PITPNM2: variants seen among roughly 807,000 people sequenced by gnomAD.
PITPNM2 encodes membrane-associated phosphatidylinositol transfer protein 2.
In PITPNM2, 35 loss-of-function variants were observed where a neutral mutation model predicts 132.2. That is an observed-to-expected ratio of 0.26 (90% CI 0.20 to 0.35). The LOEUF is 0.35. Among genes scored for constraint, PITPNM2 ranks in the 10% least tolerant of loss-of-function variants. The pLI is 1.00. For synonymous variants in PITPNM2, 738 were observed against 799.2 expected, an observed-to-expected ratio of 0.92 and a Z score of 1.29; for missense variants, 1,332 against 1,912.0, an observed-to-expected ratio of 0.70 and a Z score of 5.66.
Position 123,008,101 on chromosome 12 carries a change from C to T in PITPNM2, c.643+1749G>A, listed in dbSNP as rs2039019322. Among the ~76,000 whole-genome samples the T allele has an allele frequency of 1.3e-5, 2 of 152,232 alleles. No homozygotes were observed. Among genetic ancestry groups the T allele is most frequent in the African/African-American group, 4.8e-5 (2 of 41,454 alleles). On this transcript the variant is annotated intron_variant, in intron 6 of 25. Transcript: ENST00000320201. This position sits in a 1 kb window ranked among gnomAD's most constrained non-coding sequence, Gnocchi z 4.1. ...AGCAAAGCTCAGTGAGGCTGAGAGACCACAGAGCCACTACGTGTGAGTCAG... is the reference window on the plus strand; with the variant it reads ...AGCAAAGCTCAGTGAGGCTGAGAGATCACAGAGCCACTACGTGTGAGTCAG...
intron 3 of PITPNM2, among the ~76,000 whole-genome samples, chr12:123,027,972 C>A (rs1001430499): frequency 1.2e-4 from 19 of 152,250 alleles, no homozygotes; most frequent in Non-Finnish European, 2.5e-4. Context: ...GCAGCCACCC[C>A]CTCGTCCCTG....
At chr12:123,133,962 T>G (rs2043321762) in intron 1 of PITPNM2, among the ~76,000 whole-genome samples, 1 of 151,802 alleles carries the variant, frequency 6.6e-6, no homozygotes, top group Admixed American at 6.6e-5. Flanking sequence ...ATTACAGGCG[T>G]GAGCCACCGC....
chr12:122,988,623 G>C, intron 19 of PITPNM2, 101 bp downstream of exon 19: 1 of 1,250,828 alleles, frequency 8.0e-7, no homozygotes, highest in Non-Finnish European at 1.1e-6. Context: ...GATCTGATGG[G>C]GTTGGAGAGG....
chr12:123,149,498 G>A (rs1389612681), intron 1 of PITPNM2, among the ~76,000 whole-genome samples: 1 of 152,184 alleles, frequency 6.6e-6, no homozygotes, highest in Non-Finnish European at 1.5e-5. Context: ...ACAAGCTATG[G>A]TCCCAGAGGC....
chr12:123,021,046 A>G (rs1220109931), intron 3 of PITPNM2, among the ~76,000 whole-genome samples: 4 of 150,502 alleles, frequency 2.7e-5, no homozygotes, highest in Admixed American at 2.0e-4. Context: ...AAAAAAAAAA[A>G]AAAAAAAAAG....
At position 123,082,877 on chromosome 12, in the gene PITPNM2, C is replaced by T. The variant is rs935126387; in HGVS notation, c.-96+27508G>A. ...ACATTAAACAATAACTCCCCATTCC[C>T]TCTTCACCAGCCCCAGCACTCACTG... On this transcript the variant is annotated intron_variant, in intron 2 of 25. Transcript: ENST00000320201. This position sits in a 1 kb window ranked among gnomAD's most constrained non-coding sequence, Gnocchi z 5.4. 4 of 152,312 alleles carry T rather than the reference C, an allele frequency of 2.6e-5. No homozygotes were observed. The highest frequency in any genetic ancestry group is 9.6e-5 in the African/African-American group (4 of 41,466). 9.4% of individuals were successfully genotyped at this position (152,312 alleles called of 1,614,324 possible). A position where few individuals can be genotyped will look rare whatever the true frequency, so the allele number is the denominator to read the frequency against.
intron 2 of PITPNM2, among the ~76,000 whole-genome samples, chr12:123,085,488 C>A (rs555019441): frequency 2.6e-5 from 4 of 151,946 alleles, no homozygotes; most frequent in Non-Finnish European, 5.9e-5. Context: ...ACAAAGAGTA[C>A]GGCAGAGGCT....
Position 123,095,123 on chromosome 12 carries a change from C to T in PITPNM2, c.-96+15262G>A, listed in dbSNP as rs912537102. Among the ~76,000 whole-genome samples, 38 of 152,322 alleles carry T rather than the reference C, an allele frequency of 2.5e-4. No individual in the cohort carries two copies. Among genetic ancestry groups the T allele is most frequent in the African/African-American group, 9.1e-4 (38 of 41,564 alleles). On this transcript the variant is annotated intron_variant, in intron 2 of 25. Transcript: ENST00000320201. The surrounding 1 kb of genome is among the most constrained non-coding windows in gnomAD (Gnocchi z 5.0). The stretch of plus-strand genomic sequence containing the variant: ...GGGTGGCTGCTGGGGATCCAAGACT[C>T]TCCACTCCACCATCCTTGCACAGCA...
Position 122,996,838 on chromosome 12 carries a change from G to A in PITPNM2, c.1545C>T (p.Pro515=), listed in dbSNP as rs755110787. 30 of 1,598,620 alleles carry A rather than the reference G, an allele frequency of 1.9e-5. 2 individuals carry two copies. In the South Asian group the frequency reaches 3.4e-4, roughly 18 times the overall value. ...ACTGGGGGGAGGAGGTGGCCAGCAG[G>A]GGGAGGGCAGCCAGGGGAATGTGGT... is the stretch of plus-strand genomic sequence containing the variant. ...SQDHIPLAAL[P]LLATSSPQYQ... is the part of the protein sequence containing the mutation. The change falls in exon 12 of 26, where the codon CCC becomes CCT. Residue 515 remains proline, a synonymous_variant. Transcript: ENST00000320201.
intron 2 of PITPNM2, chr12:123,090,727 A>G (rs1015965337): frequency 4.6e-5 from 7 of 152,180 alleles, no homozygotes; most frequent in East Asian, 1.9e-4. Flanking sequence ...CCAACACCCT[A>G]TAAGATACAC....
rs139593774 is a variant in PITPNM2 at position 123,072,476 on chromosome 12, G to A, written c.-95-37791C>T. ...AGGCACAAAGTAGACAGCAAGTTAAGGCTGGCAATTGTCCCTCTCCTGTCT... is the reference window on the plus strand; with the variant it reads ...AGGCACAAAGTAGACAGCAAGTTAAAGCTGGCAATTGTCCCTCTCCTGTCT... On this transcript the variant is annotated intron_variant, in intron 2 of 25. Coordinates refer to ENST00000320201, the MANE Select transcript of PITPNM2 (RefSeq NM_020845.3). Among the ~76,000 whole-genome samples, 1,043 of 152,326 alleles carry A rather than the reference G, an allele frequency of 6.8e-3. 10 individuals carry two copies. Among genetic ancestry groups the A allele is most frequent in the Non-Finnish European group, 0.012 (816 of 68,030 alleles).
chr12:123,025,522 C>T (rs1592953851), intron 3 of PITPNM2, among the ~76,000 whole-genome samples: 1 of 151,814 alleles, frequency 6.6e-6, no homozygotes, highest in South Asian at 2.1e-4. Flanking sequence ...CATCCTCTGC[C>T]TCCCGGGTTC....
At position 122,989,895 on chromosome 12, in the gene PITPNM2, C is replaced by A; in HGVS notation, c.2623G>T (p.Ala875Ser). The A allele has an allele frequency of 7.6e-7, 1 of 1,322,546 alleles. No individual in the cohort carries two copies. The highest frequency in any genetic ancestry group is 2.2e-5 in the South Asian group (1 of 45,178). 81.9% of individuals were successfully genotyped at this position (1,322,546 alleles called of 1,614,324 possible). The change falls in exon 18 of 26, where the codon GCC becomes TCC. Residue 875 changes from alanine to serine, a missense_variant. By Grantham distance (99) the Ala-to-Ser change is moderately conservative (BLOSUM62 1). Coordinates refer to ENST00000320201, the MANE Select transcript of PITPNM2 (RefSeq NM_020845.3). Reference sequence around the variant, plus strand: ...GTGGTGGGGCTGGGGGCGGGCAGGGCGAGCAGGGACAGACGCCTGACGCTG... The same window carrying A: ...GTGGTGGGGCTGGGGGCGGGCAGGGAGAGCAGGGACAGACGCCTGACGCTG... The part of the protein sequence containing the change: ...TPSVRRLSLL[A>S]LPAPSPTTPG...
At chr12:123,093,584 C>T in intron 2 of PITPNM2, among the ~76,000 whole-genome samples, 1 of 152,194 alleles carries the variant, frequency 6.6e-6, no homozygotes, top group East Asian at 1.9e-4. Context: ...CCTCCTGCCA[C>T]TCGGCAGCCC....
At chr12:122,986,969 A>C in intron 23 of PITPNM2, 140 bp from the exon 24 acceptor site, 1 of 1,183,224 alleles carries the variant, frequency 8.5e-7, no homozygotes, top group Non-Finnish European at 1.2e-6. Flanking sequence ...AATGGTTGAC[A>C]ATGACGTGCT....
rs202150231 is a variant in PITPNM2 at position 122,987,772 on chromosome 12, G to C, written c.3114+13C>G. 6.2e-7 allele frequency: 1 copy of C among 1,613,662 alleles called. No individual in the cohort carries two copies. The highest frequency in any genetic ancestry group is 1.7e-5 in the Admixed American group (1 of 60,004). ...AAGTCCCTCCATGTTACCCCTACCC[G>C]CCGTGTCCTTACCTTCTCCCCAGTC... On this transcript the variant is annotated intron_variant, in intron 21 of 25. Transcript: ENST00000320201.
chr12:123,116,482 T>A (rs2042938111), intron 1 of PITPNM2, among the ~76,000 whole-genome samples: 1 of 151,840 alleles, frequency 6.6e-6, no homozygotes, highest in Non-Finnish European at 1.5e-5. Flanking sequence ...AAACCCCATC[T>A]CTACAAAAAA....
chr12:122,991,485 G>A (rs1448391983), intron 16 of PITPNM2, among the ~76,000 whole-genome samples: 2 of 152,208 alleles, frequency 1.3e-5, no homozygotes, highest in African/African-American at 2.4e-5. Context: ...TGGAACTGTC[G>A]CTGACTTGCT....
rs375346106 is a variant in PITPNM2, at chr12:123,013,980, C to T, written c.141G>A (p.Pro47=). The stretch of plus-strand genomic sequence containing the variant: ...CAGAGCCGCCTGGGCCATCTGTGTA[C>T]GGCCGGTTCTCCAGGATCTCCACGC... ...GSGVEILENR[P]YTDGPGGSGQ... The change falls in exon 4 of 26, where the codon CCG becomes CCA. Residue 47 remains proline (P), a synonymous_variant. Coordinates refer to ENST00000320201, the MANE Select transcript of PITPNM2 (RefSeq NM_020845.3). 1.2e-5 allele frequency: 20 copies of T among 1,614,138 alleles called. No individual in the cohort carries two copies. Among genetic ancestry groups the T allele is most frequent in the African/African-American group, 5.3e-5 (4 of 74,934 alleles).
Sources: gnomAD v4.1 joint callset for allele counts (sites outside exome capture counted in the v4.1 genomes callset) on GRCh38, gnomAD v4.1.1 for gene constraint, Gnocchi (gnomAD v3.1) non-coding constraint, MANE v1.5 for transcripts, NCBI Gene and HGNC (gene_info 2026-07-23, HGNC 2026-07-21) for gene names.